Variants in PRRG1 observed in about 807,000 individuals in gnomAD.
PRRG1 encodes proline rich and Gla domain 1, also known as transmembrane gamma-carboxyglutamic acid protein 1.
A neutral mutation model predicts 11.8 loss-of-function variants in PRRG1; 5 were observed. The ratio of observed to expected loss-of-function variants is 0.42; its 90% CI spans 0.22 to 0.89. The LOEUF is 0.89. Ranked by LOEUF, PRRG1 falls within the 40% of genes least tolerant of loss-of-function variation. PRRG1 has a pLI of 0.28. For missense variants in PRRG1, 155 were observed against 166.1 expected (o/e 0.93, Z 0.37); for synonymous variants, 66 against 60.4 (o/e 1.09, Z -0.43).
rs201439152 is a variant in PRRG1, at chrX:37,453,363, C to G, written c.399C>G (p.Pro133=). Residue 133 remains proline (P), a synonymous_variant, in exon 4 of 4, where the codon CCC becomes CCG. Coordinates refer to ENST00000378628, the MANE Select transcript of PRRG1 (RefSeq NM_001142395.2). ...ACCTTAATATTATCACCCCACCCCC[C>G]CCACCAGATGAAGTGTTTGACAGCA... ...PQHLNIITPP[P]PPDEVFDSSG... 7 of 1,206,741 alleles carry G rather than the reference C, an allele frequency of 5.8e-6. No individual in the cohort carries two copies. The East Asian group carries it at 8.9e-5, about 15-fold the overall frequency.
chrX:37,414,514 G>A (rs781875637), intron 2 of PRRG1, among the ~76,000 whole-genome samples: 17 of 112,313 alleles, frequency 1.5e-4, no homozygotes, highest in African/African-American at 5.2e-4. Flanking sequence ...CAATGTGTTC[G>A]GTGAAGCCAC....
chrX:37,441,728 A>T lies in PRRG1; in HGVS notation c.172-11408A>T, dbSNP rs782620898. 5.1e-6 allele frequency: 4 copies of T among 788,890 alleles called. No homozygotes were observed. In the East Asian group the frequency reaches 4.5e-4, roughly 88 times the overall value. The allele number at this position is 788,890 out of a possible 1,213,427, so 65.0% of individuals were successfully genotyped here. On this transcript the variant is annotated intron_variant, in intron 3 of 3. Coordinates refer to ENST00000378628, the MANE Select transcript of PRRG1 (RefSeq NM_001142395.2). ...CACAAGAAGAGGGAGCACGTCCAGG[A>T]GCTGATGAGGCTGCAGAACCAGCAC...
chrX:37,445,440 T>G (rs1308937652), intron 3 of PRRG1, among the ~76,000 whole-genome samples: 1 of 112,149 alleles, frequency 8.9e-6, no homozygotes, highest in Middle Eastern at 4.2e-3. Flanking sequence ...GTGTGCACAC[T>G]GAAGTTTGTG....
chrX:37,421,403 A>G (rs989670787), intron 2 of PRRG1, among the ~76,000 whole-genome samples: 2 of 112,132 alleles, frequency 1.8e-5, no homozygotes, highest in Non-Finnish European at 3.8e-5. Context: ...TTGTCACATC[A>G]TATAATCCTT....
At chrX:37,432,237 G>A (rs1932836953) in intron 3 of PRRG1, among the ~76,000 whole-genome samples, 1 of 110,425 alleles carries the variant, frequency 9.1e-6, no homozygotes, top group African/African-American at 3.3e-5. Context: ...ACAGACGCCT[G>A]CCACCACGCC....
chrX:37,447,805 T>G (rs1227079979), intron 3 of PRRG1, among the ~76,000 whole-genome samples: 1 of 112,577 alleles, frequency 8.9e-6, no homozygotes, highest in Non-Finnish European at 1.9e-5. Flanking sequence ...AACATGAGTT[T>G]TAGCAAGAAG....
At chrX:37,397,923 C>T (rs1294994170) in intron 1 of PRRG1, among the ~76,000 whole-genome samples, 1 of 107,424 alleles carries the variant, frequency 9.3e-6, no homozygotes, top group East Asian at 2.9e-4. Context: ...GGGATGGGGA[C>T]CTGACTGAGA....
At position 37,406,820 on chromosome X, in the gene PRRG1, A is replaced by T. The variant is rs1011687503; in HGVS notation, c.10+561A>T. Reference sequence around the variant, plus strand: ...CAACAGATAAATTTAAGTTCATTTCATTGTTAATATTAAGCAGCCACCACA... The same window carrying T: ...CAACAGATAAATTTAAGTTCATTTCTTTGTTAATATTAAGCAGCCACCACA... On this transcript the variant is annotated intron_variant, in intron 2 of 3. Coordinates refer to ENST00000378628, the MANE Select transcript of PRRG1 (RefSeq NM_001142395.2). Among the ~76,000 whole-genome samples the T allele has an allele frequency of 2.7e-5, 3 of 111,509 alleles. No individual in the cohort carries two copies. The Admixed American group carries it at 2.9e-4, about 11-fold the overall frequency.
chrX:37,435,702 C>T (rs1489806437), intron 3 of PRRG1, among the ~76,000 whole-genome samples: 1 of 110,695 alleles, frequency 9.0e-6, no homozygotes, highest in East Asian at 2.8e-4. Context: ...AAATGTCTGA[C>T]TACTATCAAA....
chrX:37,439,793 CTTTTT>C (rs36010783), intron 3 of PRRG1, among the ~76,000 whole-genome samples: 2 of 74,015 alleles, frequency 2.7e-5, no homozygotes. Flanking sequence ...CTTTAAAATT[CTTTTT>C]TTTTTTTTTT....
chrX:37,453,783 G>T lies in PRRG1; in HGVS notation c.*162G>T. The T allele has an allele frequency of 3.4e-6, 2 of 584,318 alleles. No homozygotes were observed. The allele number at this position is 584,318 out of a possible 1,213,427, so 48.2% of individuals were successfully genotyped here. A position where few individuals can be genotyped will look rare whatever the true frequency, so the allele number is the denominator to read the frequency against. On this transcript the variant is annotated 3_prime_UTR_variant, in exon 4 of 4. Transcript: ENST00000378628. ...TTCTTTAGTTTTGTTTCTTGTTATA[G>T]AATCATTATCCATGCTCATTTTTGC...
intron 3 of PRRG1, among the ~76,000 whole-genome samples, chrX:37,435,658 A>G (rs1041800536): frequency 1.3e-4 from 15 of 111,328 alleles, no homozygotes; most frequent in African/African-American, 4.9e-4. Context: ...TGAGAAACTT[A>G]CAGAGAAATC....
At chrX:37,405,586 C>T (rs1467611240) in intron 1 of PRRG1, among the ~76,000 whole-genome samples, 1 of 110,079 alleles carries the variant, frequency 9.1e-6, no homozygotes, top group Non-Finnish European at 1.9e-5. Flanking sequence ...TTTCTGCTCC[C>T]CTGTGTACAC....
chrX:37,366,938 C>G (rs1478792779), intron 1 of PRRG1, among the ~76,000 whole-genome samples: 1 of 111,595 alleles, frequency 9.0e-6, no homozygotes, highest in African/African-American at 3.3e-5. Flanking sequence ...TGAAGCTGCC[C>G]TCACACACAC....
At chrX:37,381,854 A>G (rs1293146884) in intron 1 of PRRG1, among the ~76,000 whole-genome samples, 1 of 111,404 alleles carries the variant, frequency 9.0e-6, no homozygotes, top group Non-Finnish European at 1.9e-5. Flanking sequence ...CAATTAAGTG[A>G]TATCCAGAAA....
In PRRG1 at chrX:37,414,836, G is replaced by A. The variant is rs181741790; in HGVS notation, c.10+8577G>A. 2.7e-5 allele frequency among the ~76,000 whole-genome samples: 3 copies of A among 112,401 alleles called. No homozygotes were observed. In the East Asian group the frequency reaches 8.4e-4, roughly 31 times the overall value. On this transcript the variant is annotated intron_variant, in intron 2 of 3. Coordinates refer to ENST00000378628, the MANE Select transcript of PRRG1 (RefSeq NM_001142395.2). Reference sequence around the variant, plus strand: ...AGGAAAGAAAGTGATAGAGGAACTAGTGGAATAGCTAATGTTATGTGCTTC... The same window carrying A: ...AGGAAAGAAAGTGATAGAGGAACTAATGGAATAGCTAATGTTATGTGCTTC...
At chrX:37,391,248 TC>T (rs781873069) in intron 1 of PRRG1, among the ~76,000 whole-genome samples, 12 of 111,799 alleles carry the variant, frequency 1.1e-4, no homozygotes, top group Admixed American at 7.6e-4. Flanking sequence ...TTCTTGCTTT[TC>T]CCGAGTACCT....
At chrX:37,428,039 C>T (rs1475761833) in intron 3 of PRRG1, among the ~76,000 whole-genome samples, 1 of 111,288 alleles carries the variant, frequency 9.0e-6, no homozygotes, top group African/African-American at 3.3e-5. Flanking sequence ...GATACTTATT[C>T]ACTATCATGA....
chrX:37,358,717 A>G (rs1383786888), intron 1 of PRRG1, among the ~76,000 whole-genome samples: 1 of 111,394 alleles, frequency 9.0e-6, no homozygotes, highest in East Asian at 2.8e-4. Context: ...TATAAACTTT[A>G]GAATCAGTTG....
Sources: allele counts gnomAD v4.1 joint callset (sites outside exome capture counted in the v4.1 genomes callset), GRCh38; gene constraint gnomAD v4.1.1; transcripts MANE v1.5; gene names NCBI Gene and HGNC (gene_info 2026-07-23, HGNC 2026-07-21).